The following EXO1 variants were observed in gnomAD, a reference collection of about 807,000 sequenced individuals.
EXO1 encodes the protein exonuclease 1.
In EXO1, 69 loss-of-function variants were observed where a neutral mutation model predicts 84.5. The observed-to-expected ratio is 0.82, with a 90% CI of 0.67 to 1.00. The LOEUF is 1.00. Among genes scored for constraint, EXO1 ranks in the 50% least tolerant of loss-of-function variants. The pLI is 0.00. For missense variants in EXO1, 1,045 were observed against 1,000.7 expected, an observed-to-expected ratio of 1.04 and a Z score of -0.60; for synonymous variants, 373 against 366.1, an observed-to-expected ratio of 1.02 and a Z score of -0.21.
In EXO1 at chr1:241,853,501, G is replaced by C. The variant is rs368245110; in HGVS notation, c.405+20G>C. 2 of 1,613,576 alleles carry C rather than the reference G, an allele frequency of 1.2e-6. No homozygotes were observed. Among genetic ancestry groups the C allele is most frequent in the African/African-American group, 2.7e-5 (2 of 74,820 alleles). ...ATTAAAGTAAGACAAAGGGGCAGAT[G>C]GGCAAGTTCACCAAAGCTAGTTACA... On this transcript the variant is annotated intron_variant, in intron 6 of 15. Coordinates refer to ENST00000366548, the MANE Select transcript of EXO1 (RefSeq NM_130398.4).
chr1:241,860,138 T>C (rs893383521), intron 8 of EXO1, among the ~76,000 whole-genome samples: 1 of 152,222 alleles, frequency 6.6e-6, no homozygotes, highest in Non-Finnish European at 1.5e-5. Flanking sequence ...GGTTTAAAAA[T>C]ATGATCTAGA....
In EXO1 at chr1:241,881,999, C is replaced by T. The variant is rs768927204; in HGVS notation, c.2193C>T (p.Asp731=). 6.5e-7 allele frequency: 1 copy of T among 1,537,572 alleles called. No individual in the cohort carries two copies. The highest frequency in any genetic ancestry group is 9.0e-7 in the Non-Finnish European group (1 of 1,111,958). ...GTTTATCTCATTTCTCAAAAAAAGACACACCTCTAAGGAACAAGGTAAAAC... is the reference window on the plus strand; with the variant it reads ...GTTTATCTCATTTCTCAAAAAAAGATACACCTCTAAGGAACAAGGTAAAAC... ...KLRLSHFSKK[D]TPLRNKVPGL... Residue 731 remains aspartate, a synonymous_variant, in exon 14 of 16, where the codon GAC becomes GAT. Coordinates refer to ENST00000366548, the MANE Select transcript of EXO1 (RefSeq NM_130398.4).
rs1661778046 is a variant in EXO1, at chr1:241,866,947, G to A, written c.1159G>A (p.Ala387Thr). Residue 387 changes from alanine to threonine, a missense_variant, in exon 11 of 16, where the codon GCC (alanine) becomes ACC (threonine). By Grantham distance (58) the Ala-to-Thr change is moderately conservative (BLOSUM62 0). Transcript: ENST00000366548. ...ACCAGAGTCGGGTACTGTTTCAGAT[G>A]CCCCACAATTGAAGGAAAATCCAAG... is the stretch of plus-strand genomic sequence containing the variant. ...PRPESGTVSD[A>T]PQLKENPSTV... 6.2e-7 allele frequency: 1 copy of A among 1,613,828 alleles called. No homozygotes were observed. Among genetic ancestry groups the A allele is most frequent in the African/African-American group, 1.3e-5 (1 of 75,036 alleles).
At chr1:241,854,498 G>C (rs896245803) in intron 6 of EXO1, 1 of 152,274 alleles carries the variant, frequency 6.6e-6, no homozygotes, top group Non-Finnish European at 1.5e-5. Context: ...CTGTCATCCA[G>C]TTCCTGAGCT....
intron 6 of EXO1, among the ~76,000 whole-genome samples, chr1:241,855,025 C>T (rs1413663849): frequency 3.0e-4 from 45 of 152,202 alleles, no homozygotes. Context: ...GTGAGTGTTA[C>T]AGCTCATAAA....
intron 10 of EXO1, among the ~76,000 whole-genome samples, chr1:241,864,756 T>A (rs1230070722): frequency 1.3e-5 from 2 of 152,222 alleles, no homozygotes; most frequent in Non-Finnish European, 2.9e-5. Context: ...TATCTCCTAA[T>A]TTTTTTGCAG....
At chr1:241,850,864 G>T (rs1660632766) in intron 4 of EXO1, among the ~76,000 whole-genome samples, 1 of 106,044 alleles carries the variant, frequency 9.4e-6, no homozygotes, top group Non-Finnish European at 1.8e-5. Context: ...TTTTTTAGAT[G>T]GAATCTCTAG....
At chr1:241,866,498 TTTTATTTA>T (rs4149944) in intron 10 of EXO1, among the ~76,000 whole-genome samples, 21 of 151,820 alleles carry the variant, frequency 1.4e-4, no homozygotes, top group Admixed American at 2.6e-4. Context: ...TTACGAAGAT[TTTTATTTA>T]TTTATTTATT....
chr1:241,858,873 A>G (rs531778357), intron 8 of EXO1, among the ~76,000 whole-genome samples, 155 bp downstream of exon 8: 1 of 152,382 alleles, frequency 6.6e-6, no homozygotes, highest in Non-Finnish European at 1.5e-5. Context: ...ACTTTGCCTT[A>G]GCAACTAACA....
chr1:241,878,278 C>A (rs1380004468), intron 12 of EXO1, among the ~76,000 whole-genome samples: 1 of 152,208 alleles, frequency 6.6e-6, no homozygotes, highest in Non-Finnish European at 1.5e-5. Flanking sequence ...GCGGGCGGAT[C>A]ACCTGAGATC....
intron 14 of EXO1, among the ~76,000 whole-genome samples, chr1:241,882,593 A>G (rs751225100): frequency 6.6e-6 from 1 of 152,188 alleles, no homozygotes; most frequent in African/African-American, 2.4e-5. Flanking sequence ...TTTATATATT[A>G]AATGTTCTTG....
At chr1:241,872,517 G>T (rs1662174914) in intron 12 of EXO1, among the ~76,000 whole-genome samples, 1 of 151,996 alleles carries the variant, frequency 6.6e-6, no homozygotes, top group South Asian at 2.1e-4. Context: ...CCCCTACCCT[G>T]CCACAGGCCG....
chr1:241,850,627 T>A (rs1379365027), intron 4 of EXO1, 41 bp downstream of exon 4: 2 of 1,557,806 alleles, frequency 1.3e-6, no homozygotes, highest in Non-Finnish European at 1.8e-6. Context: ...CAATTAAGAA[T>A]GAGACCTACA....
At chr1:241,849,852 G>A (rs1660555182) in intron 3 of EXO1, among the ~76,000 whole-genome samples, 1 of 152,176 alleles carries the variant, frequency 6.6e-6, no homozygotes, top group South Asian at 2.1e-4. Flanking sequence ...ACTTTGGAAA[G>A]ACTAAACAAA....
intron 10 of EXO1, among the ~76,000 whole-genome samples, chr1:241,865,472 A>G (rs4149940): frequency 1.2e-3 from 181 of 151,998 alleles, no homozygotes; most frequent in African/African-American, 4.2e-3. Flanking sequence ...CAGCCTCCCA[A>G]AGTGCTGGGA....
intron 4 of EXO1, 95 bp downstream of exon 4, chr1:241,850,681 G>A (rs2148377157): frequency 1.0e-6 from 1 of 990,538 alleles, no homozygotes; most frequent in East Asian, 2.4e-5. Flanking sequence ...TTCACTCAAT[G>A]CCAGAACTTA....
intron 6 of EXO1, among the ~76,000 whole-genome samples, chr1:241,855,470 G>GGGTGCTGATTGGTGTGTT (rs1660938756): frequency 6.6e-6 from 1 of 152,126 alleles, no homozygotes; most frequent in Non-Finnish European, 1.5e-5. Context: ...TGAGCTAGAC[G>GGGTGCTGATTGGTGTGTT]TAAAGATTCT....
chr1:241,853,566 A>G, intron 6 of EXO1, 85 bp downstream of exon 6: 1 of 1,485,168 alleles, frequency 6.7e-7, no homozygotes, highest in Non-Finnish European at 9.4e-7. Flanking sequence ...TCAAGGGTGG[A>G]AAATTGTTCT....
chr1:241,867,843 G>A (rs573817100), intron 11 of EXO1, among the ~76,000 whole-genome samples: 13 of 152,116 alleles, frequency 8.5e-5, no homozygotes, highest in Admixed American at 3.3e-4. Context: ...ATCTTGAAGC[G>A]GGGCAGTGTA....
Sources: allele counts gnomAD v4.1 joint callset (sites outside exome capture counted in the v4.1 genomes callset), GRCh38; gene constraint gnomAD v4.1.1; transcripts MANE v1.5; gene names NCBI Gene and HGNC (gene_info 2026-07-23, HGNC 2026-07-21).